Variants in FAM117B observed in about 807,000 individuals in gnomAD.
FAM117B encodes the protein family with sequence similarity 117 member B.
FAM117B carries 22 observed loss-of-function variants against 52.8 expected under a neutral mutation model. The ratio of observed to expected loss-of-function variants is 0.42; its 90% CI spans 0.30 to 0.59. The LOEUF (loss-of-function observed/expected upper bound fraction) is 0.59, where lower values mean the gene tolerates loss of function less well. FAM117B is among the 20% of genes least tolerant of loss of function. The pLI is 0.22. For synonymous variants in FAM117B, 309 were observed against 324.1 expected (o/e 0.95, Z 0.50); for missense variants, 678 against 802.6 (o/e 0.84, Z 1.88).
chr2:202,759,924 C>T (rs564012271), intron 7 of FAM117B, among the ~76,000 whole-genome samples: 1 of 152,140 alleles, frequency 6.6e-6, no homozygotes, highest in Admixed American at 6.5e-5. Flanking sequence ...TGGTCCCAAA[C>T]TCCTGGGCAC....
At chr2:202,748,704 A>G (rs1393440572) in intron 4 of FAM117B, among the ~76,000 whole-genome samples, 4 of 152,206 alleles carry the variant, frequency 2.6e-5, no homozygotes, top group Non-Finnish European at 5.9e-5. Flanking sequence ...ACAAATATAT[A>G]TTTTAAAAAG....
rs570514645 is a variant in FAM117B, at chr2:202,644,071, T to G, written c.601+8283T>G. On this transcript the variant is annotated intron_variant, in intron 1 of 7. Coordinates refer to ENST00000392238, the MANE Select transcript of FAM117B (RefSeq NM_173511.4). ...AGGAGCTGTTTTTTTTTTGTTTTTT[T>G]TTTTTTTTTTTTTCAGTTTTATGTA... Among the ~76,000 whole-genome samples the G allele has an allele frequency of 2.6e-4, 38 of 146,182 alleles. 2 individuals are homozygous for G. The highest frequency in any genetic ancestry group is 4.6e-4 in the African/African-American group (18 of 39,142).
chr2:202,722,875 TAA>T (rs1174106162), intron 2 of FAM117B, among the ~76,000 whole-genome samples: 1 of 152,192 alleles, frequency 6.6e-6, no homozygotes, highest in Non-Finnish European at 1.5e-5. Flanking sequence ...TTTATAGTAT[TAA>T]GTTTATTATT....
At chr2:202,699,356 G>C (rs893689791) in intron 2 of FAM117B, among the ~76,000 whole-genome samples, 9 of 148,714 alleles carry the variant, frequency 6.1e-5, no homozygotes, top group African/African-American at 2.2e-4. Context: ...GAACCCGGGA[G>C]GTGGAGGTTG....
intron 4 of FAM117B, among the ~76,000 whole-genome samples, chr2:202,752,124 T>C (rs1314908980): frequency 3.9e-5 from 6 of 152,128 alleles, no homozygotes; most frequent in Non-Finnish European, 7.4e-5. Flanking sequence ...GAAAAGATAA[T>C]TATTTTAAGA....
chr2:202,762,243 T>A (rs529956331), intron 7 of FAM117B, among the ~76,000 whole-genome samples: 2 of 151,990 alleles, frequency 1.3e-5, no homozygotes, highest in Non-Finnish European at 2.9e-5. Flanking sequence ...AACTGGGGGG[T>A]CGGGATGGGG....
intron 2 of FAM117B, among the ~76,000 whole-genome samples, chr2:202,718,538 C>T (rs997740336): frequency 2.0e-5 from 3 of 151,986 alleles, no homozygotes; most frequent in African/African-American, 7.3e-5. Context: ...TCTGTGCATC[C>T]TAGGGATAAA....
chr2:202,639,689 C>T (rs1689737546), intron 1 of FAM117B, among the ~76,000 whole-genome samples: 1 of 152,102 alleles, frequency 6.6e-6, no homozygotes, highest in South Asian at 2.1e-4. Context: ...TTTTTCTTAT[C>T]TGTGAAATGG....
chr2:202,704,895 G>T (rs1272370140), intron 2 of FAM117B, among the ~76,000 whole-genome samples: 1 of 152,002 alleles, frequency 6.6e-6, no homozygotes, highest in Non-Finnish European at 1.5e-5. Flanking sequence ...GAGCCAGTGC[G>T]CCTGGCCTGA....
chr2:202,672,980 C>T (rs553049689), intron 1 of FAM117B, among the ~76,000 whole-genome samples: 2 of 152,184 alleles, frequency 1.3e-5, no homozygotes, highest in African/African-American at 4.8e-5. Context: ...CCTGGAAGGT[C>T]GAGGCTACGG....
intron 2 of FAM117B, among the ~76,000 whole-genome samples, chr2:202,703,440 C>T (rs1384741834): frequency 6.6e-6 from 1 of 152,188 alleles, no homozygotes; most frequent in Non-Finnish European, 1.5e-5. Context: ...ACAGCCTCGA[C>T]CTCCTGGGTT....
At chr2:202,759,211 TC>T in intron 6 of FAM117B, 21 bp from the exon 7 acceptor site, 4 of 1,613,228 alleles carry the variant, frequency 2.5e-6, no homozygotes, top group Non-Finnish European at 3.4e-6. Flanking sequence ...TATGTAGTAA[TC>T]TAATGTGTCA....
At chr2:202,729,410 G>T (rs772914661) in intron 4 of FAM117B, among the ~76,000 whole-genome samples, 1 of 152,098 alleles carries the variant, frequency 6.6e-6, no homozygotes, top group Non-Finnish European at 1.5e-5. Context: ...TGTTTTGGTG[G>T]GTTCTCTATC....
intron 1 of FAM117B, among the ~76,000 whole-genome samples, chr2:202,643,249 T>C (rs1427565714): frequency 6.6e-6 from 1 of 152,164 alleles, no homozygotes; most frequent in Non-Finnish European, 1.5e-5. Context: ...AGGGAAAGGA[T>C]TTATAGAATG....
Position 202,655,754 on chromosome 2 carries a change from G to GAA in FAM117B, c.601+19967_601+19968insAA, listed in dbSNP as rs1559095448. ...AGAGAGAGAGAGAGAGAGAGAGAGA[G>GAA]AGAGAGAGTGTGTGTGTGTGTGTGT... On this transcript the variant is annotated intron_variant, in intron 1 of 7. Coordinates refer to ENST00000392238, the MANE Select transcript of FAM117B (RefSeq NM_173511.4). 2.8e-3 allele frequency among the ~76,000 whole-genome samples: 417 copies of GAA among 148,460 alleles called. 2 individuals are homozygous for GAA. The highest frequency in any genetic ancestry group is 4.9e-3 in the Non-Finnish European group (327 of 67,114).
At chr2:202,644,931 CTG>C (rs1482019036) in intron 1 of FAM117B, among the ~76,000 whole-genome samples, 1 of 152,026 alleles carries the variant, frequency 6.6e-6, no homozygotes, top group Non-Finnish European at 1.5e-5. Context: ...GCTGGTTACT[CTG>C]TGGGCTTTTT....
intron 4 of FAM117B, among the ~76,000 whole-genome samples, chr2:202,733,087 G>A (rs556415944): frequency 6.6e-6 from 1 of 152,188 alleles, no homozygotes; most frequent in South Asian, 2.1e-4. Flanking sequence ...CTGGGCTGCT[G>A]GGGGTGACAT....
intron 1 of FAM117B, among the ~76,000 whole-genome samples, chr2:202,646,028 TTTG>T (rs1333509680): frequency 1.4e-5 from 2 of 147,710 alleles, no homozygotes; most frequent in Non-Finnish European, 3.0e-5. Flanking sequence ...CTAAAAGTTT[TTTG>T]TTTTTTTTTT....
chr2:202,684,522 G>A (rs1458816658), intron 1 of FAM117B, among the ~76,000 whole-genome samples: 1 of 151,980 alleles, frequency 6.6e-6, no homozygotes, highest in Non-Finnish European at 1.5e-5. Flanking sequence ...TTTCGTGATC[G>A]TGCCATATTT....
Sources: gnomAD v4.1 joint callset for allele counts (sites outside exome capture counted in the v4.1 genomes callset) on GRCh38, gnomAD v4.1.1 for gene constraint, MANE v1.5 for transcripts, NCBI Gene and HGNC (gene_info 2026-07-23, HGNC 2026-07-21) for gene names.